USH2A: variants seen among roughly 807,000 people sequenced by gnomAD.
USH2A encodes usherin.
A neutral mutation model predicts 538.9 loss-of-function variants in USH2A; 443 were observed. The observed-to-expected ratio is 0.82, with a 90% CI of 0.76 to 0.89. The LOEUF (loss-of-function observed/expected upper bound fraction) is 0.89. USH2A is among the 40% of genes least tolerant of loss of function. USH2A has a pLI of 0.00. For missense variants in USH2A, 6,633 were observed against 6,324.8 expected (o/e 1.05, Z -1.65); for synonymous variants, 2,413 against 2,273.5 (o/e 1.06, Z -1.75).
At chr1:215,887,376 C>G (rs1410811599) in intron 41 of USH2A, among the ~76,000 whole-genome samples, 3 of 152,024 alleles carry the variant, frequency 2.0e-5, no homozygotes, top group Non-Finnish European at 1.5e-5. Flanking sequence ...ATTATTAACT[C>G]TATGCTTGGG....
At chr1:215,727,165 G>A (rs1342387297) in intron 61 of USH2A, among the ~76,000 whole-genome samples, 2 of 151,960 alleles carry the variant, frequency 1.3e-5, no homozygotes, top group East Asian at 3.9e-4. Context: ...GTATGTGTGT[G>A]TGTGTATATT....
chr1:216,273,722 A>C (rs990423789), intron 11 of USH2A, among the ~76,000 whole-genome samples: 1 of 151,816 alleles, frequency 6.6e-6, no homozygotes, highest in Non-Finnish European at 1.5e-5. Flanking sequence ...TATAGGAGTT[A>C]TAGAAATCAC....
intron 21 of USH2A, among the ~76,000 whole-genome samples, chr1:216,153,137 CCACA>C (rs2033873103): frequency 6.6e-6 from 1 of 152,158 alleles, no homozygotes; most frequent in Non-Finnish European, 1.5e-5. Flanking sequence ...ATAAAATCCC[CCACA>C]TTTACCATCC....
intron 11 of USH2A, among the ~76,000 whole-genome samples, chr1:216,270,537 T>A (rs1416511476): frequency 6.6e-6 from 1 of 152,132 alleles, no homozygotes; most frequent in African/African-American, 2.4e-5. Context: ...AGCTATGCAC[T>A]CTGTGAGTTT....
At position 215,825,586 on chromosome 1, in the gene USH2A, C is replaced by G. The variant is rs569139508; in HGVS notation, c.9372-8391G>C. Among the ~76,000 whole-genome samples the G allele has an allele frequency of 2.6e-5, 4 of 152,248 alleles. No homozygotes were observed. The South Asian group carries it at 8.3e-4, about 32-fold the overall frequency. ...ACCAGAGAAAAGAAATCTTCATACA[C>G]TCTAAGATATTAACCTAAATTGTTA... On this transcript the variant is annotated intron_variant, in intron 47 of 71. Transcript: ENST00000307340.
intron 30 of USH2A, among the ~76,000 whole-genome samples, chr1:216,067,419 A>G (rs2031414402): frequency 6.6e-6 from 1 of 151,988 alleles, no homozygotes; most frequent in South Asian, 2.1e-4. Context: ...GTATAATTAA[A>G]AAAAAAAGAA....
At chr1:215,691,987 G>C (rs1658629057) in intron 61 of USH2A, among the ~76,000 whole-genome samples, 1 of 152,192 alleles carries the variant, frequency 6.6e-6, no homozygotes. Flanking sequence ...CAGCCGAAAG[G>C]AAATCAGTAA....
rs142855753 is a variant in USH2A at position 215,889,903 on chromosome 1, G to A, written c.7595-849C>T. On this transcript the variant is annotated intron_variant, in intron 40 of 71. Coordinates refer to ENST00000307340, the MANE Select transcript of USH2A (RefSeq NM_206933.4). ...TTGAATGCAAACCCCTCAGCCTGCGGGGGCAAAGTGTTATTTAAGCTTTAC... is the reference window on the plus strand; with the variant it reads ...TTGAATGCAAACCCCTCAGCCTGCGAGGGCAAAGTGTTATTTAAGCTTTAC... 3.3e-5 allele frequency among the ~76,000 whole-genome samples: 5 copies of A among 152,260 alleles called. No individual in the cohort carries two copies. In the East Asian group the frequency reaches 7.7e-4, roughly 24 times the overall value.
intron 53 of USH2A, 151 bp downstream of exon 53, chr1:215,782,587 A>T: frequency 2.3e-6 from 2 of 853,106 alleles, no homozygotes; most frequent in South Asian, 3.3e-5. Context: ...AAAGTGAGTG[A>T]TTAGTTGTCA....
At chr1:215,794,185 T>C (rs1186131709) in intron 50 of USH2A, among the ~76,000 whole-genome samples, 1 of 152,172 alleles carries the variant, frequency 6.6e-6, no homozygotes, top group Non-Finnish European at 1.5e-5. Context: ...TCCAACAGCA[T>C]CTGTTAATTC....
intron 5 of USH2A, among the ~76,000 whole-genome samples, chr1:216,325,918 A>G (rs2037724297): frequency 6.6e-6 from 1 of 152,250 alleles, no homozygotes; most frequent in Non-Finnish European, 1.5e-5. Context: ...TTGTGATAAT[A>G]TAGAAATGAT....
intron 30 of USH2A, among the ~76,000 whole-genome samples, chr1:216,056,517 C>T (rs577295286): frequency 7.9e-5 from 12 of 152,252 alleles, no homozygotes; most frequent in African/African-American, 2.9e-4. Context: ...ATCATTACTC[C>T]TCCCATTTGA....
chr1:215,858,322 C>T (rs941789085), intron 44 of USH2A, among the ~76,000 whole-genome samples: 5 of 151,952 alleles, frequency 3.3e-5, no homozygotes, highest in African/African-American at 1.2e-4. Context: ...CAAATCTCAT[C>T]TTAAATTGTA....
At chr1:216,077,333 G>A (rs1027502515) in intron 27 of USH2A, among the ~76,000 whole-genome samples, 1 of 151,754 alleles carries the variant, frequency 6.6e-6, no homozygotes, top group African/African-American at 2.4e-5. Flanking sequence ...ACAATATATA[G>A]ATTTTCACAA....
At chr1:216,310,872 A>C (rs2037408525) in intron 9 of USH2A, among the ~76,000 whole-genome samples, 1 of 152,168 alleles carries the variant, frequency 6.6e-6, no homozygotes, top group African/African-American at 2.4e-5. Flanking sequence ...GAGACATCAT[A>C]GTTTCCTACT....
chr1:215,655,725 C>CTTTTTTTTTTTTTTTTTTTTTTTTTTTTT (rs766225635), intron 64 of USH2A, among the ~76,000 whole-genome samples: 3 of 96,172 alleles, frequency 3.1e-5, no homozygotes, highest in African/African-American at 1.2e-4. Flanking sequence ...GCTAGTTATT[C>CTTTTTTTTTTTTTTTTTTTTTTTTTTTTT]TTTTTTTTTT....
intron 47 of USH2A, among the ~76,000 whole-genome samples, chr1:215,827,727 A>T (rs1024612356): frequency 1.3e-5 from 2 of 152,124 alleles, no homozygotes; most frequent in African/African-American, 4.8e-5. Flanking sequence ...AGACAGTTTT[A>T]GTCCATATTA....
intron 61 of USH2A, among the ~76,000 whole-genome samples, chr1:215,720,261 C>G (rs1255032617): frequency 6.6e-6 from 1 of 152,120 alleles, no homozygotes; most frequent in Non-Finnish European, 1.5e-5. Flanking sequence ...TGGGATTTCT[C>G]CACACTCCCC....
chr1:216,233,632 A>C (rs1007711063), intron 13 of USH2A, among the ~76,000 whole-genome samples: 3 of 152,118 alleles, frequency 2.0e-5, no homozygotes, highest in Admixed American at 6.5e-5. Flanking sequence ...TACACACACA[A>C]AAAAAGCCTG....
Sources: allele counts gnomAD v4.1 joint callset (sites outside exome capture counted in the v4.1 genomes callset), GRCh38; gene constraint gnomAD v4.1.1; transcripts MANE v1.5; gene names NCBI Gene and HGNC (gene_info 2026-07-23, HGNC 2026-07-21).